LINGO2: variants seen among roughly 807,000 people sequenced by gnomAD.
LINGO2 encodes the protein leucine rich repeat and Ig domain containing 2.
LINGO2 carries 14 observed loss-of-function variants against 30.6 expected under a neutral mutation model. The ratio of observed to expected loss-of-function variants is 0.46; its 90% CI spans 0.30 to 0.72. The LOEUF is 0.72. Ranked by LOEUF, LINGO2 falls within the 30% of genes least tolerant of loss-of-function variation. The pLI, the probability that LINGO2 is intolerant of heterozygous loss-of-function variation, is 0.07. For synonymous variants in LINGO2, 317 were observed against 288.5 expected, an observed-to-expected ratio of 1.10 and a Z score of -1.00; for missense variants, 729 against 751.7, an observed-to-expected ratio of 0.97 and a Z score of 0.35.
intron 3 of LINGO2, among the ~76,000 whole-genome samples, chr9:28,345,496 C>T (rs774939838): frequency 1.2e-4 from 19 of 152,030 alleles, no homozygotes; most frequent in Admixed American, 1.3e-4. Flanking sequence ...AACTAGCAGG[C>T]CTGGATCACT....
At chr9:28,069,784 TC>T (rs1179559525) in intron 4 of LINGO2, among the ~76,000 whole-genome samples, 1 of 152,152 alleles carries the variant, frequency 6.6e-6, no homozygotes, top group African/African-American at 2.4e-5. Context: ...TTATGAGGTC[TC>T]CCCACTTCTA....
the LINGO2 span, among the ~76,000 whole-genome samples, chr9:28,892,008 A>T: frequency 2.0e-5 from 3 of 151,840 alleles, no homozygotes; most frequent in Non-Finnish European, 2.9e-5. Flanking sequence ...CCAGTGTCTG[A>T]TCTTTAGAGA....
At chr9:28,633,246 A>C (rs957004878) in intron 1 of LINGO2, among the ~76,000 whole-genome samples, 3 of 152,114 alleles carry the variant, frequency 2.0e-5, no homozygotes, top group South Asian at 2.1e-4. Context: ...AGACACACTC[A>C]GGATTAATAC....
At chr9:28,241,956 T>C (rs1821816192) in intron 4 of LINGO2, among the ~76,000 whole-genome samples, 1 of 151,772 alleles carries the variant, frequency 6.6e-6, no homozygotes, top group Non-Finnish European at 1.5e-5. Context: ...CACAAAATCT[T>C]CATCCAAGGG....
chr9:28,135,774 A>G (rs547589161), intron 4 of LINGO2, among the ~76,000 whole-genome samples: 1 of 152,296 alleles, frequency 6.6e-6, no homozygotes, highest in East Asian at 1.9e-4. Flanking sequence ...ATGTATTGTC[A>G]TAAAATGCCT....
At chr9:28,923,870 T>C in the LINGO2 span, among the ~76,000 whole-genome samples, 1 of 152,072 alleles carries the variant, frequency 6.6e-6, no homozygotes, top group Non-Finnish European at 1.5e-5. Context: ...GGTAAATAAC[T>C]GTTACACTTG....
At chr9:29,170,567 C>T in the LINGO2 span, among the ~76,000 whole-genome samples, 2 of 152,022 alleles carry the variant, frequency 1.3e-5, no homozygotes, top group Non-Finnish European at 2.9e-5. Context: ...ACACAACTCA[C>T]TTGTATCCCC....
chr9:28,320,443 G>T (rs1004364474), intron 3 of LINGO2, among the ~76,000 whole-genome samples: 8 of 152,120 alleles, frequency 5.3e-5, no homozygotes, highest in Admixed American at 3.3e-4. Context: ...CGACATAATT[G>T]GTGACAATTT....
At chr9:28,412,185 G>GGA (rs377741138) in intron 2 of LINGO2, among the ~76,000 whole-genome samples, 2 of 120,648 alleles carry the variant, frequency 1.7e-5, no homozygotes, top group Non-Finnish European at 3.3e-5. Flanking sequence ...ACTTGTAAGT[G>GGA]AAAAAAAAAA....
the LINGO2 span, among the ~76,000 whole-genome samples, chr9:29,163,634 T>C: frequency 6.6e-6 from 1 of 152,310 alleles, no homozygotes; most frequent in African/African-American, 2.4e-5. Context: ...TGGCTTCTAA[T>C]GTATTAATAC....
At chr9:28,110,901 A>C (rs2133359537) in intron 4 of LINGO2, among the ~76,000 whole-genome samples, 1 of 152,302 alleles carries the variant, frequency 6.6e-6, no homozygotes, top group South Asian at 2.1e-4. Context: ...TACACAAAGG[A>C]TTATAAATCA....
chr9:28,658,444 A>C (rs1828453227), intron 1 of LINGO2, among the ~76,000 whole-genome samples: 1 of 152,030 alleles, frequency 6.6e-6, no homozygotes, highest in African/African-American at 2.4e-5. Flanking sequence ...ATATCTTTAT[A>C]ATTATTACAT....
chr9:28,455,465 T>A (rs1476401659), intron 2 of LINGO2, among the ~76,000 whole-genome samples: 2 of 152,004 alleles, frequency 1.3e-5, no homozygotes, highest in Non-Finnish European at 2.9e-5. Context: ...AATCTACCCT[T>A]TCTCTAATGT....
chr9:28,645,744 A>C (rs1463159624), intron 1 of LINGO2, among the ~76,000 whole-genome samples: 1 of 152,130 alleles, frequency 6.6e-6, no homozygotes, highest in Non-Finnish European at 1.5e-5. Context: ...CTATCTACTG[A>C]AAATGATATC....
At chr9:28,317,531 C>A (rs1824887011) in intron 3 of LINGO2, among the ~76,000 whole-genome samples, 1 of 151,842 alleles carries the variant, frequency 6.6e-6, no homozygotes, top group African/African-American at 2.4e-5. Context: ...TAGAGCTGTT[C>A]AAGGTGAAAT....
intron 4 of LINGO2, among the ~76,000 whole-genome samples, chr9:28,132,066 T>C (rs926563102): frequency 6.6e-6 from 1 of 152,178 alleles, no homozygotes; most frequent in Non-Finnish European, 1.5e-5. Context: ...GTAAAAGTAG[T>C]ATAATTATAC....
At position 27,950,585 on chromosome 9, in the gene LINGO2, G is replaced by A. The variant is rs151170034; in HGVS notation, c.87C>T (p.Pro29=). 2.9e-4 allele frequency: 436 copies of A among 1,527,838 alleles called. 2 individuals carry two copies. The East Asian group carries it at 7.5e-3, about 26-fold the overall frequency. 94.6% of individuals were successfully genotyped at this position (1,527,838 alleles called of 1,614,324 possible). ...TCTGGGCAGAGCACTCACAGCGAGCGGGGCAGCCAATGGTGGATCCCATGA... is the reference window on the plus strand; with the variant it reads ...TCTGGGCAGAGCACTCACAGCGAGCAGGGCAGCCAATGGTGGATCCCATGA... The change falls in exon 6 of 6, where the codon CCC becomes CCT. Residue 29 remains proline, a synonymous_variant. Transcript: ENST00000379992.
At chr9:28,486,992 G>A (rs1826194901) in intron 1 of LINGO2, among the ~76,000 whole-genome samples, 2 of 151,932 alleles carry the variant, frequency 1.3e-5, no homozygotes, top group East Asian at 3.9e-4. Context: ...AGAGGAAGAT[G>A]GCCTCAAGGT....
At chr9:28,235,444 C>G (rs1821527601) in intron 4 of LINGO2, among the ~76,000 whole-genome samples, 1 of 152,116 alleles carries the variant, frequency 6.6e-6, no homozygotes, top group Non-Finnish European at 1.5e-5. Flanking sequence ...TAGAGAATAT[C>G]TATAAGCATC....
Sources: allele counts gnomAD v4.1 joint callset (sites outside exome capture counted in the v4.1 genomes callset), GRCh38; gene constraint gnomAD v4.1.1; transcripts MANE v1.5; gene names NCBI Gene and HGNC (gene_info 2026-07-23, HGNC 2026-07-21).